PPP1R16B: variants seen among roughly 807,000 people sequenced by gnomAD.
PPP1R16B encodes the protein protein phosphatase 1 regulatory subunit 16B.
A neutral mutation model predicts 61.7 loss-of-function variants in PPP1R16B; 14 were observed. The observed-to-expected ratio is 0.23, with a 90% CI of 0.15 to 0.35. The LOEUF (loss-of-function observed/expected upper bound fraction) is 0.35. Among genes scored for constraint, PPP1R16B ranks in the 10% least tolerant of loss-of-function variants. The pLI is 1.00. For missense variants in PPP1R16B, 547 were observed against 752.5 expected, an observed-to-expected ratio of 0.73 and a Z score of 3.19; for synonymous variants, 266 against 305.3, an observed-to-expected ratio of 0.87 and a Z score of 1.34.
chr20:38,918,703 G>A lies in PPP1R16B; in HGVS notation c.*37G>A. ...TGGAGGAGGGAGATGCCTGGGGAGG[G>A]GCTCCTGGAATCCAGGCCAGCCCAA... On this transcript the variant is annotated 3_prime_UTR_variant, in exon 11 of 11. Coordinates refer to ENST00000299824, the MANE Select transcript of PPP1R16B (RefSeq NM_015568.4). The surrounding 1 kb of genome is among the most constrained non-coding windows in gnomAD (Gnocchi z 5.3). 2 of 1,487,730 alleles carry A rather than the reference G, an allele frequency of 1.3e-6. No individual in the cohort carries two copies. The highest frequency in any genetic ancestry group is 1.8e-6 in the Non-Finnish European group (2 of 1,123,820). The allele number at this position is 1,487,730 out of a possible 1,614,324, so 92.2% of individuals were successfully genotyped here.
intron 2 of PPP1R16B, among the ~76,000 whole-genome samples, chr20:38,865,911 G>A (rs2085087338): frequency 1.3e-5 from 2 of 152,074 alleles, no homozygotes; most frequent in African/African-American, 2.4e-5. Flanking sequence ...GGATCATGAG[G>A]TCAGGAGTTC....
chr20:38,863,577 G>A (rs1286317609), intron 2 of PPP1R16B, among the ~76,000 whole-genome samples: 1 of 152,218 alleles, frequency 6.6e-6, no homozygotes. Context: ...CTGTACAGCA[G>A]CTGTGTGATC....
At chr20:38,911,017 A>C (rs552841637) in intron 10 of PPP1R16B, among the ~76,000 whole-genome samples, 310 of 151,782 alleles carry the variant, frequency 2.0e-3, no homozygotes, top group African/African-American at 7.3e-3. Flanking sequence ...ACAAAACAAA[A>C]CAAAATTTTT....
intron 1 of PPP1R16B, among the ~76,000 whole-genome samples, chr20:38,824,758 GGCGGCCAC>G: frequency 6.6e-6 from 1 of 152,270 alleles, no homozygotes. Flanking sequence ...GGCTGGGCAT[GGCGGCCAC>G]GCCTGTAATC....
intron 10 of PPP1R16B, among the ~76,000 whole-genome samples, chr20:38,912,136 G>C (rs545638495): frequency 4.0e-5 from 5 of 125,000 alleles, no homozygotes; most frequent in Non-Finnish European, 1.6e-5. Context: ...TTCCGCTCTT[G>C]TTGCCTAGCC....
intron 3 of PPP1R16B, among the ~76,000 whole-genome samples, chr20:38,894,399 C>T (rs2085318836): frequency 6.6e-6 from 1 of 152,232 alleles, no homozygotes; most frequent in African/African-American, 2.4e-5. Context: ...CCACCATCAT[C>T]TCTTAACTGG....
At chr20:38,811,708 G>T (rs2084701763) in intron 1 of PPP1R16B, among the ~76,000 whole-genome samples, 1 of 152,226 alleles carries the variant, frequency 6.6e-6, no homozygotes. Flanking sequence ...AATGTCTAAA[G>T]ACGTTTTTGG....
At chr20:38,911,227 C>T (rs929797938) in intron 10 of PPP1R16B, among the ~76,000 whole-genome samples, 15 of 144,872 alleles carry the variant, frequency 1.0e-4, no homozygotes, top group East Asian at 2.1e-4. Flanking sequence ...AGTGCATTGG[C>T]GCGATCTCGG....
At chr20:38,805,901 G>A (rs1387943601) in intron 1 of PPP1R16B, 109 bp downstream of exon 1, 1 of 152,358 alleles carries the variant, frequency 6.6e-6, no homozygotes, top group African/African-American at 2.4e-5. Flanking sequence ...CCTAGCTGGG[G>A]GCCGGGGCGC....
At chr20:38,836,404 T>C (rs982596159) in intron 2 of PPP1R16B, among the ~76,000 whole-genome samples, 8 of 152,084 alleles carry the variant, frequency 5.3e-5, no homozygotes, top group Non-Finnish European at 1.0e-4. Context: ...CAGGCTGGAG[T>C]ATAGTGGCGC....
At position 38,918,424 on chromosome 20, in the gene PPP1R16B, G is replaced by A; in HGVS notation, c.1462G>A (p.Ala488Thr). ...GCTTCTGGAGCTGAAGCGGCAGCGG[G>A]CTGCAGCCAAGCTGCTCAGCCACCC... ...QTLLELKRQR[A>T]AAKLLSHPFL... The change falls in exon 11 of 11, where the codon GCT (alanine) becomes ACT (threonine). Residue 488 changes from alanine (A) to threonine (T), a missense_variant. Coordinates refer to ENST00000299824, the MANE Select transcript of PPP1R16B (RefSeq NM_015568.4). The surrounding 1 kb of genome is among the most constrained non-coding windows in gnomAD (Gnocchi z 5.3). 6 of 1,614,142 alleles carry A rather than the reference G, an allele frequency of 3.7e-6. No individual in the cohort carries two copies. The highest frequency in any genetic ancestry group is 5.1e-6 in the Non-Finnish European group (6 of 1,180,046).
intron 2 of PPP1R16B, among the ~76,000 whole-genome samples, chr20:38,852,015 A>G (rs7261878): frequency 1.7e-3 from 259 of 152,320 alleles, no homozygotes; most frequent in African/African-American, 5.8e-3. Context: ...CCTGGGTGAC[A>G]GAGCAAGGCC....
rs752444170 is a variant in PPP1R16B, at chr20:38,855,978, AG to A, written c.250+19804del. Among the ~76,000 whole-genome samples the A allele has an allele frequency of 4.0e-4, 12 of 29,742 alleles. 1 individual carries two copies. The highest frequency in any genetic ancestry group is 1.1e-3 in the African/African-American group (5 of 4,442). 19.5% of individuals were successfully genotyped at this position (29,742 alleles called of 152,430 possible). Reference sequence around the variant, plus strand: ...GAGAGAGAGAGAGAGAGAGAGAGAGAGAGAAGGAGGAGGAGAGAGACCAGGA... The same window carrying A: ...GAGAGAGAGAGAGAGAGAGAGAGAGAAGAAGGAGGAGGAGAGAGACCAGGA... On this transcript the variant is annotated intron_variant, in intron 2 of 10. Coordinates refer to ENST00000299824, the MANE Select transcript of PPP1R16B (RefSeq NM_015568.4).
At chr20:38,831,561 G>A (rs1418076696) in intron 1 of PPP1R16B, among the ~76,000 whole-genome samples, 2 of 152,194 alleles carry the variant, frequency 1.3e-5, no homozygotes, top group Non-Finnish European at 2.9e-5. Context: ...AGTTAGTGAG[G>A]GCAGTCAGGC....
At chr20:38,909,225 CTT>C (rs1388116282) in intron 10 of PPP1R16B, among the ~76,000 whole-genome samples, 2 of 152,168 alleles carry the variant, frequency 1.3e-5, no homozygotes, top group African/African-American at 4.8e-5. Flanking sequence ...TGGCCTCAAA[CTT>C]AGCCTCAAGC....
At chr20:38,914,000 T>C (rs1457273946) in intron 10 of PPP1R16B, among the ~76,000 whole-genome samples, 1 of 152,154 alleles carries the variant, frequency 6.6e-6, no homozygotes, top group African/African-American at 2.4e-5. Context: ...GAGACCAGCC[T>C]GGCCAACATG....
intron 2 of PPP1R16B, among the ~76,000 whole-genome samples, chr20:38,852,613 G>C (rs900020630): frequency 6.6e-6 from 1 of 152,102 alleles, no homozygotes; most frequent in East Asian, 1.9e-4. Flanking sequence ...TGTATGAGAG[G>C]CTTGTCAGGT....
intron 1 of PPP1R16B, among the ~76,000 whole-genome samples, chr20:38,832,122 A>G (rs2084841247): frequency 6.6e-6 from 1 of 152,248 alleles, no homozygotes; most frequent in Non-Finnish European, 1.5e-5. Flanking sequence ...AACCCCGGGC[A>G]GACTGGCTCT....
At chr20:38,913,967 G>A (rs1181019935) in intron 10 of PPP1R16B, among the ~76,000 whole-genome samples, 4 of 152,138 alleles carry the variant, frequency 2.6e-5, no homozygotes, top group African/African-American at 4.8e-5. Context: ...CCAGGCAGGC[G>A]GATCATCTGA....
Sources: gnomAD v4.1 joint callset for allele counts (sites outside exome capture counted in the v4.1 genomes callset) on GRCh38, gnomAD v4.1.1 for gene constraint, Gnocchi (gnomAD v3.1) non-coding constraint, MANE v1.5 for transcripts, NCBI Gene and HGNC (gene_info 2026-07-23, HGNC 2026-07-21) for gene names.